CDK1: variants seen among roughly 807,000 people sequenced by gnomAD.
The protein encoded by CDK1 is cyclin-dependent kinase 1.
In CDK1, 5 loss-of-function variants were observed where a neutral mutation model predicts 34.6. The observed-to-expected ratio is 0.14, with a 90% CI of 0.08 to 0.30. The LOEUF is 0.30. Among genes scored for constraint, CDK1 ranks in the 10% least tolerant of loss-of-function variants. CDK1 has a pLI of 1.00. For synonymous variants in CDK1, 108 were observed against 114.7 expected (o/e 0.94, Z 0.37); for missense variants, 157 against 345.7 (o/e 0.45, Z 4.33).
At chr10:60,786,218 TAA>T (rs1409380277) in intron 4 of CDK1, 3 of 917,894 alleles carry the variant, frequency 3.3e-6, no homozygotes, top group Non-Finnish European at 3.9e-6. Context: ...CTGAAGTATA[TAA>T]AAGTGTCTTA....
At chr10:60,791,422 T>C (rs1218060609) in intron 5 of CDK1, among the ~76,000 whole-genome samples, 1 of 152,178 alleles carries the variant, frequency 6.6e-6, no homozygotes, top group Non-Finnish European at 1.5e-5. Context: ...TAAGTTTTTC[T>C]ATATATAAGA....
chr10:60,779,614 G>T (rs1323474194), intron 1 of CDK1, among the ~76,000 whole-genome samples: 2 of 152,168 alleles, frequency 1.3e-5, no homozygotes, highest in Non-Finnish European at 2.9e-5. Flanking sequence ...AAATTGTCAC[G>T]TGGGCAACTG....
intron 4 of CDK1, chr10:60,787,690 GAT>G (rs2080328094): frequency 9.9e-5 from 1 of 10,090 alleles, no homozygotes; most frequent in Non-Finnish European, 2.3e-4. Context: ...AAAAATGAAA[GAT>G]AGAAAAGGCC....
intron 4 of CDK1, chr10:60,786,814 G>A (rs1205076915): frequency 1.0e-5 from 9 of 877,542 alleles, no homozygotes; most frequent in Non-Finnish European, 1.2e-5. Flanking sequence ...TTCATATTTA[G>A]CTATTATAAA....
At chr10:60,791,363 T>C (rs1215358562) in intron 5 of CDK1, among the ~76,000 whole-genome samples, 3 of 152,170 alleles carry the variant, frequency 2.0e-5, no homozygotes, top group African/African-American at 7.2e-5. Context: ...TTTGATTTTG[T>C]ATACTGCAAC....
At position 60,789,425 on chromosome 10, in the gene CDK1, C is replaced by G. The variant is rs184591781; in HGVS notation, c.489+1195C>G. Among the ~76,000 whole-genome samples the G allele has an allele frequency of 9.0e-4, 137 of 152,314 alleles. 1 individual carries two copies. Among genetic ancestry groups the G allele is most frequent in the Non-Finnish European group, 7.4e-5 (5 of 68,004 alleles). Reference sequence around the variant, plus strand: ...AGCCCTGAATAACCACTATTCCACTCTATGGCCATTAGATCAACTTTTTAC... The same window carrying G: ...AGCCCTGAATAACCACTATTCCACTGTATGGCCATTAGATCAACTTTTTAC... On this transcript the variant is annotated intron_variant, in intron 5 of 7. Transcript: ENST00000395284.
At chr10:60,793,581 A>G (rs1044763835) in intron 7 of CDK1, among the ~76,000 whole-genome samples, 4 of 152,108 alleles carry the variant, frequency 2.6e-5, no homozygotes, top group Admixed American at 1.3e-4. Flanking sequence ...CGTCTTTCCT[A>G]TATTTGTGTC....
At chr10:60,785,809 T>C in intron 4 of CDK1, 22 bp downstream of exon 4, 7 of 1,579,120 alleles carry the variant, frequency 4.4e-6, no homozygotes, top group Non-Finnish European at 6.0e-6. Context: ...ACTAATTTTA[T>C]TAATATTTAT....
At chr10:60,792,768 G>C (rs1361096206) in intron 7 of CDK1, among the ~76,000 whole-genome samples, 1 of 151,972 alleles carries the variant, frequency 6.6e-6, no homozygotes, top group Non-Finnish European at 1.5e-5. Flanking sequence ...TGGTCTTCGG[G>C]TTACTTTCAG....
chr10:60,788,683 T>A (rs1457053084), intron 5 of CDK1, among the ~76,000 whole-genome samples: 1 of 152,130 alleles, frequency 6.6e-6, no homozygotes, highest in African/African-American at 2.4e-5. Context: ...AGGTATATTA[T>A]TTCTGATACA....
rs914877637 is a variant in CDK1, at chr10:60,791,289, T to C, written c.490-601T>C. ...TTGTACCTATTGTACATTAGATTGC[T>C]TTCTTGATGTTATTTTTCAGCTAGT... On this transcript the variant is annotated intron_variant, in intron 5 of 7. Transcript: ENST00000395284. Among the ~76,000 whole-genome samples the C allele has an allele frequency of 7.9e-5, 12 of 152,312 alleles. 1 individual carries two copies. In the East Asian group the frequency reaches 2.3e-3, roughly 29 times the overall value.
chr10:60,783,085 G>A (rs1396015205), intron 2 of CDK1, among the ~76,000 whole-genome samples: 1 of 152,104 alleles, frequency 6.6e-6, no homozygotes, highest in Admixed American at 6.5e-5. Context: ...CACTTAAACA[G>A]TATGCCAGAT....
intron 4 of CDK1, chr10:60,786,364 C>A: frequency 1.3e-6 from 1 of 782,346 alleles, no homozygotes; most frequent in Non-Finnish European, 1.6e-6. Context: ...GACTTATTTG[C>A]ATATGTATAT....
intron 1 of CDK1, among the ~76,000 whole-genome samples, chr10:60,779,030 C>T (rs887153502): frequency 3.3e-5 from 5 of 152,224 alleles, no homozygotes; most frequent in Non-Finnish European, 5.9e-5. Context: ...GCGCGGGTCC[C>T]TAGAGCCAGG....
At chr10:60,782,954 A>G (rs1170740305) in intron 2 of CDK1, among the ~76,000 whole-genome samples, 1 of 152,186 alleles carries the variant, frequency 6.6e-6, no homozygotes, top group Non-Finnish European at 1.5e-5. Flanking sequence ...AAAATTATTT[A>G]GGATTAGATG....
At chr10:60,793,231 G>A (rs984915962) in intron 7 of CDK1, among the ~76,000 whole-genome samples, 5 of 152,038 alleles carry the variant, frequency 3.3e-5, no homozygotes, top group African/African-American at 1.2e-4. Context: ...AGTTTGTATG[G>A]TGCTGGTTAC....
chr10:60,779,377 T>C (rs1401115235), intron 1 of CDK1, among the ~76,000 whole-genome samples: 1 of 150,586 alleles, frequency 6.6e-6, no homozygotes, highest in African/African-American at 2.4e-5. Flanking sequence ...CTTGAACTTC[T>C]GGTTGTCAGC....
At chr10:60,784,643 A>AT (rs2080300275) in intron 2 of CDK1, 62 bp from the exon 3 acceptor site, 2 of 1,427,998 alleles carry the variant, frequency 1.4e-6, no homozygotes, top group East Asian at 2.3e-5. Flanking sequence ...GAAAAAAAAA[A>AT]AGAAAAAAAG....
chr10:60,788,718 A>G (rs2080335386), intron 5 of CDK1, among the ~76,000 whole-genome samples: 1 of 152,076 alleles, frequency 6.6e-6, no homozygotes. Context: ...ACTATAATTT[A>G]TGTTTGATCT....
Sources: gnomAD v4.1 joint callset for allele counts (sites outside exome capture counted in the v4.1 genomes callset) on GRCh38, gnomAD v4.1.1 for gene constraint, MANE v1.5 for transcripts, NCBI Gene and HGNC (gene_info 2026-07-23, HGNC 2026-07-21) for gene names.